NUMB: variants seen among roughly 807,000 people sequenced by gnomAD.
NUMB encodes the protein protein numb homolog.
Under a neutral mutation model 59.7 loss-of-function variants are expected in NUMB, and 29 were observed. The observed-to-expected ratio is 0.49, with a 90% CI of 0.36 to 0.66. NUMB has a LOEUF of 0.66. NUMB is among the 30% of genes least tolerant of loss of function. NUMB has a pLI of 0.00. For missense variants in NUMB, 723 were observed against 822.0 expected, an observed-to-expected ratio of 0.88 and a Z score of 1.47; for synonymous variants, 288 against 288.2, an observed-to-expected ratio of 1.00 and a Z score of 0.01.
rs144037454 is a variant in NUMB, at chr14:73,282,460, G to A, written c.995C>T (p.Ser332Leu). Residue 332 changes from serine to leucine, a missense_variant, in exon 11 of 13, where the codon TCA becomes TTA. Ser to Leu is a moderately radical substitution (Grantham distance 145). Around this residue, in one of 2 missense-constraint regions of NUMB, gnomAD observed 317 missense variants for 436.6 expected, o/e 0.73. Transcript: ENST00000555238. ...TGTGCTGAAGGCATTGGTGATCTGT[G>A]AGCACAGGGAGCTGATGCTCTCTGC... is the stretch of plus-strand genomic sequence containing the variant. Reference protein sequence around the residue: ...GEAESISSLCSQITNAFSTPE... With the variant: ...GEAESISSLCLQITNAFSTPE... 6 of 1,614,174 alleles carry A rather than the reference G, an allele frequency of 3.7e-6. No individual in the cohort carries two copies. The African/African-American group carries it at 8.0e-5, about 22-fold the overall frequency.
rs774767250 is a variant in NUMB, at chr14:73,277,118, G to C, written c.1416C>G (p.Pro472=). Reference sequence around the variant, plus strand: ...GTGATGCTGGCTGGGAGATGGCAGTGGGTGGAGGAGGCTGGAGAACTGGCT... The same window carrying C: ...GTGATGCTGGCTGGGAGATGGCAGTCGGTGGAGGAGGCTGGAGAACTGGCT... ...PLQPVLQPPP[P]TAISQPASPF... The change falls in exon 13 of 13, where the codon CCC becomes CCG. Residue 472 remains proline, a synonymous_variant. Transcript: ENST00000555238. 3 of 1,614,080 alleles carry C rather than the reference G, an allele frequency of 1.9e-6. No homozygotes were observed. In the Admixed American group the frequency reaches 5.0e-5, roughly 27 times the overall value.
At chr14:73,380,805 A>G (rs1225555136) in intron 2 of NUMB, among the ~76,000 whole-genome samples, 1 of 151,308 alleles carries the variant, frequency 6.6e-6, no homozygotes, top group East Asian at 1.9e-4. Flanking sequence ...GCTCACTGCA[A>G]CCACCACCTC....
chr14:73,278,474 C>G (rs1239449328), intron 12 of NUMB, among the ~76,000 whole-genome samples: 4 of 151,568 alleles, frequency 2.6e-5, no homozygotes, highest in Non-Finnish European at 4.4e-5. Context: ...GAGCCAAGAT[C>G]ATGCCACTGC....
In NUMB at chr14:73,276,176, C is replaced by A. The variant is rs1330494522; in HGVS notation, c.*402G>T. On this transcript the variant is annotated 3_prime_UTR_variant, in exon 13 of 13. Coordinates refer to ENST00000555238, the MANE Select transcript of NUMB (RefSeq NM_001005743.2). The stretch of plus-strand genomic sequence containing the variant: ...TCTTGATCTCTAATACAGGCCACTA[C>A]TGACAGGAGGCAGGTGAATGGCCTG... 1 of 181,762 alleles carries A rather than the reference C, an allele frequency of 5.5e-6. No individual in the cohort carries two copies. Among genetic ancestry groups the A allele is most frequent in the Non-Finnish European group, 1.2e-5 (1 of 84,972 alleles). The allele number at this position is 181,762 out of a possible 1,614,324, so 11.3% of individuals were successfully genotyped here.
At chr14:73,427,328 G>C (rs1420667543) in intron 1 of NUMB, among the ~76,000 whole-genome samples, 1 of 151,948 alleles carries the variant, frequency 6.6e-6, no homozygotes, top group Non-Finnish European at 1.5e-5. Flanking sequence ...AGCCGGGCAT[G>C]GTCGCACACG....
chr14:73,340,778 G>A (rs2046685575), intron 4 of NUMB, among the ~76,000 whole-genome samples: 1 of 152,168 alleles, frequency 6.6e-6, no homozygotes, highest in Admixed American at 6.5e-5. Context: ...AATGGCTATA[G>A]GACAGAATGC....
intron 6 of NUMB, among the ~76,000 whole-genome samples, chr14:73,309,893 C>T (rs1289436505): frequency 1.3e-5 from 2 of 151,890 alleles, no homozygotes; most frequent in African/African-American, 2.4e-5. Flanking sequence ...AAATCCTTTA[C>T]TCTCAGGAAT....
At position 73,275,880 on chromosome 14, in the gene NUMB, C is replaced by T. The variant is rs1370735258; in HGVS notation, c.*698G>A. On this transcript the variant is annotated 3_prime_UTR_variant, in exon 13 of 13. Coordinates refer to ENST00000555238, the MANE Select transcript of NUMB (RefSeq NM_001005743.2). Reference sequence around the variant, plus strand: ...ATCAATGATAAATCAATCTTATGTACAATTTCTTACAACTAGCCCCTTTAC... The same window carrying T: ...ATCAATGATAAATCAATCTTATGTATAATTTCTTACAACTAGCCCCTTTAC... The T allele has an allele frequency of 4.6e-5, 7 of 152,642 alleles. No individual in the cohort carries two copies. Among genetic ancestry groups the T allele is most frequent in the African/African-American group, 9.7e-5 (4 of 41,442 alleles). The allele number at this position is 152,642 out of a possible 1,614,324, so 9.5% of individuals were successfully genotyped here.
chr14:73,371,234 T>C (rs1394062896), intron 2 of NUMB, among the ~76,000 whole-genome samples: 12 of 152,188 alleles, frequency 7.9e-5, no homozygotes, highest in Admixed American at 7.2e-4. Context: ...TCAGTACCAA[T>C]GTTAAATTTA....
rs573399756 is a variant in NUMB at position 73,423,224 on chromosome 14, G to A, written c.-232-13156C>T. On this transcript the variant is annotated intron_variant, in intron 1 of 12. Transcript: ENST00000555238. ...AATATAAAGACTCTTGATTGGCCGG[G>A]TGCGGTGGCTCACTACTGTAATCCC... Among the ~76,000 whole-genome samples the A allele has an allele frequency of 2.0e-5, 3 of 152,114 alleles. No individual in the cohort carries two copies. In the East Asian group the frequency reaches 5.8e-4, roughly 29 times the overall value.
chr14:73,296,505 G>A (rs1052646196), intron 7 of NUMB, among the ~76,000 whole-genome samples: 4 of 151,684 alleles, frequency 2.6e-5, no homozygotes, highest in African/African-American at 9.7e-5. Context: ...CCTTAGACAT[G>A]CTATGTCATG....
chr14:73,451,449 A>C (rs965625832), intron 1 of NUMB, among the ~76,000 whole-genome samples: 24 of 150,516 alleles, frequency 1.6e-4, no homozygotes, highest in African/African-American at 5.4e-4. Flanking sequence ...AAAAAAAAAA[A>C]AAACCTACAA....
intron 4 of NUMB, among the ~76,000 whole-genome samples, chr14:73,341,510 C>T (rs1892628121): frequency 1.3e-5 from 2 of 152,084 alleles, no homozygotes; most frequent in African/African-American, 4.8e-5. Context: ...AAAGCACAAA[C>T]AAAAATGGTT....
At chr14:73,388,742 CACTTGAGGTCAGGAGTTGGCA>C (rs2140093733) in intron 2 of NUMB, among the ~76,000 whole-genome samples, 1 of 152,192 alleles carries the variant, frequency 6.6e-6, no homozygotes, top group African/African-American at 2.4e-5. Context: ...GCGGGCGGAT[CACTTGAGGTCAGGAGTTGGCA>C]ACCAGCCTGG....
At chr14:73,309,081 G>T (rs1480247944) in intron 6 of NUMB, among the ~76,000 whole-genome samples, 1 of 152,028 alleles carries the variant, frequency 6.6e-6, no homozygotes, top group Non-Finnish European at 1.5e-5. Context: ...GGGAGAGGGG[G>T]TAGCATTGCC....
In NUMB at chr14:73,423,869, G is replaced by A. The variant is rs972808846; in HGVS notation, c.-232-13801C>T. 2.0e-5 allele frequency among the ~76,000 whole-genome samples: 3 copies of A among 151,234 alleles called. No homozygotes were observed. The East Asian group carries it at 5.8e-4, about 29-fold the overall frequency. ...TAATTCCAGCTACTTGGGAGGGTGA[G>A]GCAGGAGAATCGCTTGAACCCGGGA... On this transcript the variant is annotated intron_variant, in intron 1 of 12. Coordinates refer to ENST00000555238, the MANE Select transcript of NUMB (RefSeq NM_001005743.2).
At chr14:73,290,091 C>G (rs1486789652) in intron 8 of NUMB, among the ~76,000 whole-genome samples, 1 of 152,160 alleles carries the variant, frequency 6.6e-6, no homozygotes, top group Non-Finnish European at 1.5e-5. Flanking sequence ...CTAGGAGATT[C>G]AAACAGGCTG....
intron 2 of NUMB, among the ~76,000 whole-genome samples, chr14:73,379,790 G>C (rs1307718124): frequency 1.3e-5 from 2 of 152,076 alleles, no homozygotes; most frequent in African/African-American, 4.8e-5. Flanking sequence ...GAGATGATGT[G>C]GGTACAATAT....
chr14:73,385,336 C>CTTTTTTTTT (rs1895455538), intron 2 of NUMB, among the ~76,000 whole-genome samples: 1 of 112,424 alleles, frequency 8.9e-6, no homozygotes, highest in Non-Finnish European at 1.9e-5. Context: ...TTGGTAGAGA[C>CTTTTTTTTT]AGAGTCTCGC....
Sources: allele counts gnomAD v4.1 joint callset (sites outside exome capture counted in the v4.1 genomes callset), GRCh38; gene constraint gnomAD v4.1.1; regional missense constraint gnomAD v4.1.1; transcripts MANE v1.5; gene names NCBI Gene and HGNC (gene_info 2026-07-23, HGNC 2026-07-21).